SIRT4: variants seen among roughly 807,000 people sequenced by gnomAD.
SIRT4 encodes the protein sirtuin 4.
Under a neutral mutation model 26.1 loss-of-function variants are expected in SIRT4, and 23 were observed. The observed-to-expected ratio is 0.88, with a 90% CI of 0.63 to 1.25. The LOEUF (loss-of-function observed/expected upper bound fraction) is 1.25, where lower values mean the gene tolerates loss of function less well. Among genes scored for constraint, SIRT4 ranks in the 50% most tolerant of loss-of-function variants. SIRT4 has a pLI of 0.00. For synonymous variants in SIRT4, 155 were observed against 158.4 expected (o/e 0.98, Z 0.16); for missense variants, 361 against 405.4 (o/e 0.89, Z 0.94).
chr12:120,298,502 G>A (rs546426540), upstream of SIRT4, among the ~76,000 whole-genome samples: 3 of 152,140 alleles, frequency 2.0e-5, no homozygotes, highest in South Asian at 6.2e-4. Context: ...TGAGGTGGGA[G>A]GATGGTTTGA....
At chr12:120,302,726 T>TC (rs1872591156) in intron 1 of SIRT4, among the ~76,000 whole-genome samples, 1 of 150,824 alleles carries the variant, frequency 6.6e-6, no homozygotes, top group African/African-American at 2.4e-5. Context: ...TTTTCTTTTT[T>TC]TTTTTTTTTT....
intron 2 of SIRT4, among the ~76,000 whole-genome samples, chr12:120,307,845 C>T (rs185036748): frequency 3.5e-4 from 53 of 152,086 alleles, no homozygotes; most frequent in African/African-American, 1.1e-3. Context: ...GCAACAAGAA[C>T]GAAACTCCTT....
At chr12:120,298,987 G>C (rs898331099), upstream of SIRT4, among the ~76,000 whole-genome samples, 1 of 150,488 alleles carries the variant, frequency 6.6e-6, no homozygotes, top group African/African-American at 2.4e-5. Flanking sequence ...AGTACTTTGG[G>C]AGGCTGAGGC....
At chr12:120,311,854 C>T (rs1358194832) in intron 2 of SIRT4, among the ~76,000 whole-genome samples, 1 of 150,644 alleles carries the variant, frequency 6.6e-6, no homozygotes, top group African/African-American at 2.4e-5. Flanking sequence ...GTGGCAAATT[C>T]AGCAGATGAG....
Position 120,303,853 on chromosome 12 carries a change from A to C in SIRT4, c.292A>C (p.Ser98Arg). ...RPIQHGDFVR[S>R]APIRQRYWAR... Reference sequence around the variant, plus strand: ...CATCCAGCATGGTGATTTTGTCCGGAGTGCCCCAATCCGCCAGCGGTACTG... The same window carrying C: ...CATCCAGCATGGTGATTTTGTCCGGCGTGCCCCAATCCGCCAGCGGTACTG... Residue 98 changes from serine to arginine, a missense_variant, in exon 2 of 4, where the codon AGT becomes CGT. Ser to Arg is a moderately radical substitution (Grantham distance 110). Transcript: ENST00000202967. The C allele has an allele frequency of 6.2e-7, 1 of 1,614,158 alleles. No individual in the cohort carries two copies. The highest frequency in any genetic ancestry group is 8.5e-7 in the Non-Finnish European group (1 of 1,180,030).
chr12:120,311,735 CAAAAAAAAAAAA>C (rs10612543), intron 2 of SIRT4, among the ~76,000 whole-genome samples: 4 of 55,108 alleles, frequency 7.3e-5, no homozygotes, highest in South Asian at 1.1e-3. Flanking sequence ...AACTTGCTCT[CAAAAAAAAAAAA>C]AAAAAAAAAA....
At chr12:120,294,966 G>A in the SIRT4 span, among the ~76,000 whole-genome samples, 1 of 150,774 alleles carries the variant, frequency 6.6e-6, no homozygotes, top group Non-Finnish European at 1.5e-5. Context: ...AACTAACTGG[G>A]ATTACAGGTG....
Position 120,303,775 on chromosome 12 carries a change from C to T in SIRT4, c.214C>T (p.Pro72Ser). ...GAGISTESGI[P>S]DYRSEKVGLY... ...AGGAATCTCCACCGAATCGGGGATACCAGACTACAGGTCAGAAAAAGTGGG... is the reference window on the plus strand; with the variant it reads ...AGGAATCTCCACCGAATCGGGGATATCAGACTACAGGTCAGAAAAAGTGGG... The change falls in exon 2 of 4, where the codon CCA (proline) becomes TCA (serine). Residue 72 changes from proline to serine, a missense_variant. By Grantham distance (74) the Pro-to-Ser change is moderately conservative. Transcript: ENST00000202967. 1.2e-6 allele frequency: 2 copies of T among 1,614,128 alleles called. No homozygotes were observed. The highest frequency in any genetic ancestry group is 1.7e-6 in the Non-Finnish European group (2 of 1,180,028).
At chr12:120,309,710 CT>C (rs1205381512) in intron 2 of SIRT4, among the ~76,000 whole-genome samples, 7 of 135,524 alleles carry the variant, frequency 5.2e-5, no homozygotes, top group African/African-American at 2.0e-4. Flanking sequence ...ACTGTGCCCG[CT>C]TTCTTTTTTT....
chr12:120,299,839 A>G (rs1167525448), upstream of SIRT4, among the ~76,000 whole-genome samples: 2 of 152,188 alleles, frequency 1.3e-5, no homozygotes, highest in African/African-American at 4.8e-5. Flanking sequence ...AGGAAAAGGC[A>G]ATGACCAGAG....
chr12:120,304,285 G>A (rs1454234289), intron 2 of SIRT4, among the ~76,000 whole-genome samples: 1 of 152,150 alleles, frequency 6.6e-6, no homozygotes, highest in African/African-American at 2.4e-5. Flanking sequence ...TACTGCCTTG[G>A]GCACTGGGGT....
At chr12:120,311,301 G>A (rs1341763273) in intron 2 of SIRT4, among the ~76,000 whole-genome samples, 3 of 151,494 alleles carry the variant, frequency 2.0e-5, no homozygotes, top group Non-Finnish European at 4.4e-5. Flanking sequence ...GTTGCGGTGA[G>A]CCAAGATCGC....
chr12:120,303,759 C>T lies in SIRT4; in HGVS notation c.198C>T (p.Ser66=). 2 of 1,614,138 alleles carry T rather than the reference C, an allele frequency of 1.2e-6. No homozygotes were observed. The highest frequency in any genetic ancestry group is 2.2e-5 in the East Asian group (1 of 44,888). The part of the protein sequence containing the change: ...RLLVMTGAGI[S]TESGIPDYRS... ...TTGTGATGACTGGGGCAGGAATCTC[C>T]ACCGAATCGGGGATACCAGACTACA... The change falls in exon 2 of 4, where the codon TCC becomes TCT. Residue 66 remains serine (S), a synonymous_variant. Coordinates refer to ENST00000202967, the MANE Select transcript of SIRT4 (RefSeq NM_012240.3).
In SIRT4 at chr12:120,312,538, G is replaced by A. The variant is rs1873022601; in HGVS notation, c.580G>A (p.Ala194Thr). 6 of 1,614,172 alleles carry A rather than the reference G, an allele frequency of 3.7e-6. No homozygotes were observed. The highest frequency in any genetic ancestry group is 5.1e-6 in the Non-Finnish European group (6 of 1,180,042). ...CCAAGTCCTGAACCCCACCTGGAGTGCTGAGGCCCATGGCCTGGCTCCTGA... is the reference window on the plus strand; with the variant it reads ...CCAAGTCCTGAACCCCACCTGGAGTACTGAGGCCCATGGCCTGGCTCCTGA... ...RFQVLNPTWSAEAHGLAPDGD... is the reference protein window; with the variant it reads ...RFQVLNPTWSTEAHGLAPDGD... Residue 194 changes from alanine to threonine, a missense_variant, in exon 3 of 4, where the codon GCT becomes ACT. Transcript: ENST00000202967.
chr12:120,302,543 G>A (rs536629574), intron 1 of SIRT4, among the ~76,000 whole-genome samples, 165 bp downstream of exon 1: 8 of 152,034 alleles, frequency 5.3e-5, no homozygotes, highest in African/African-American at 1.9e-4. Context: ...TCGGGAAACC[G>A]GACTGTGTGT....
At chr12:120,311,526 G>A (rs1000901329) in intron 2 of SIRT4, among the ~76,000 whole-genome samples, 1 of 150,956 alleles carries the variant, frequency 6.6e-6, no homozygotes, top group African/African-American at 2.4e-5. Context: ...GAGGTCGGGA[G>A]TTTGAGACCA....
intron 2 of SIRT4, among the ~76,000 whole-genome samples, chr12:120,306,128 C>G (rs1458017905): frequency 6.6e-6 from 1 of 151,916 alleles, no homozygotes; most frequent in Non-Finnish European, 1.5e-5. Context: ...GCCAGGAGAT[C>G]AAGACCTGCC....
In SIRT4 at chr12:120,303,821, GCAGGCC is replaced by G. The variant is rs1566462866; in HGVS notation, c.263_268del (p.Arg88_Pro89del). On this transcript the variant is annotated inframe_deletion, in exon 2 of 4. Coordinates refer to ENST00000202967, the MANE Select transcript of SIRT4 (RefSeq NM_012240.3). ...GTGGGGCTTTATGCCCGCACTGACC[GCAGGCC>G]CATCCAGCATGGTGATTTTGTCCGG... 6.2e-7 allele frequency: 1 copy of G among 1,613,984 alleles called. No homozygotes were observed. The highest frequency in any genetic ancestry group is 8.5e-7 in the Non-Finnish European group (1 of 1,179,996).
intron 1 of SIRT4, among the ~76,000 whole-genome samples, 158 bp downstream of exon 1, chr12:120,302,536 G>A (rs1872583063): frequency 6.6e-6 from 1 of 152,054 alleles, no homozygotes; most frequent in Admixed American, 6.6e-5. Flanking sequence ...TTTGGTCTCG[G>A]GAAACCGGAC....
Sources: allele counts gnomAD v4.1 joint callset (sites outside exome capture counted in the v4.1 genomes callset), GRCh38; gene constraint gnomAD v4.1.1; transcripts MANE v1.5; gene names NCBI Gene and HGNC (gene_info 2026-07-23, HGNC 2026-07-21).